Variants in PTPDC1 observed in about 807,000 individuals in gnomAD.
PTPDC1 encodes protein tyrosine phosphatase domain containing 1.
In PTPDC1, 53 loss-of-function variants were observed where a neutral mutation model predicts 75.3. The ratio of observed to expected loss-of-function variants is 0.70; its 90% CI spans 0.56 to 0.88. PTPDC1 has a LOEUF of 0.88. Ranked by LOEUF, PTPDC1 falls within the 40% of genes least tolerant of loss-of-function variation. PTPDC1 has a pLI of 0.00. For synonymous variants in PTPDC1, 349 were observed against 366.2 expected (o/e 0.95, Z 0.54); for missense variants, 925 against 998.6 (o/e 0.93, Z 0.99).
Position 94,088,362 on chromosome 9 carries a change from A to G in PTPDC1, c.616+99A>G, listed in dbSNP as rs747384353. ...GATTAAAAAGATGATGGAAATAAAT[A>G]CCTTCTGCATCATAGTAAGGTTTAG... On this transcript the variant is annotated intron_variant, in intron 4 of 8. Transcript: ENST00000620992. The G allele has an allele frequency of 1.2e-5, 16 of 1,358,572 alleles. No individual in the cohort carries two copies. The South Asian group carries it at 2.2e-4, about 19-fold the overall frequency. The allele number at this position is 1,358,572 out of a possible 1,614,324, so 84.2% of individuals were successfully genotyped here.
Position 94,106,160 on chromosome 9 carries a change from G to A in PTPDC1, c.2311-1668G>A, listed in dbSNP as rs1471931593. The stretch of plus-strand genomic sequence containing the variant: ...TTCTTTTGGCCTTTTAAGGGGATAC[G>A]AATGAAAAGTTAGAGATAACAGTTG... On this transcript the variant is annotated intron_variant, in intron 8 of 8. Coordinates refer to ENST00000620992, the MANE Select transcript of PTPDC1 (RefSeq NM_001253829.2). Among the ~76,000 whole-genome samples, 3 of 152,260 alleles carry A rather than the reference G, an allele frequency of 2.0e-5. No homozygotes were observed. The South Asian group carries it at 6.2e-4, about 32-fold the overall frequency.
chr9:94,041,169 T>G (rs1002219899), intron 1 of PTPDC1, among the ~76,000 whole-genome samples: 1 of 152,228 alleles, frequency 6.6e-6, no homozygotes, highest in African/African-American at 2.4e-5. Flanking sequence ...TCTAGTTCAG[T>G]GTTTTCTTTC....
intron 4 of PTPDC1, among the ~76,000 whole-genome samples, chr9:94,090,573 G>T: frequency 9.2e-6 from 1 of 109,106 alleles, no homozygotes; most frequent in East Asian, 2.6e-4. Flanking sequence ...GCTCTTTTTT[G>T]GTTCCATATG....
intron 2 of PTPDC1, among the ~76,000 whole-genome samples, chr9:94,071,569 G>T (rs1826512674): frequency 6.6e-6 from 1 of 152,154 alleles, no homozygotes; most frequent in Non-Finnish European, 1.5e-5. Context: ...CTATCCCAGT[G>T]CCCTGAAGCT....
chr9:94,071,123 T>A (rs1166797661), intron 2 of PTPDC1, among the ~76,000 whole-genome samples: 4 of 152,242 alleles, frequency 2.6e-5, no homozygotes, highest in Non-Finnish European at 4.4e-5. Context: ...CCATTTTACA[T>A]TCCTACCAGC....
chr9:94,106,116 A>G (rs898018567), intron 8 of PTPDC1, among the ~76,000 whole-genome samples: 10 of 152,234 alleles, frequency 6.6e-5, no homozygotes, highest in African/African-American at 2.4e-4. Context: ...CTCTGAAAGC[A>G]GTAGGAATTC....
chr9:94,105,751 G>A (rs546968152), intron 8 of PTPDC1, among the ~76,000 whole-genome samples: 31 of 150,564 alleles, frequency 2.1e-4, no homozygotes, highest in Non-Finnish European at 3.2e-4. Context: ...GGCAGATCAC[G>A]AGGTCAGGAG....
At chr9:94,099,175 A>G (rs1827743343) in intron 6 of PTPDC1, among the ~76,000 whole-genome samples, 1 of 152,144 alleles carries the variant, frequency 6.6e-6, no homozygotes. Context: ...TTTGGGGTCC[A>G]TTTCTTAGCT....
chr9:94,049,220 G>T (rs530826341), intron 1 of PTPDC1, among the ~76,000 whole-genome samples: 2 of 152,114 alleles, frequency 1.3e-5, no homozygotes, highest in Non-Finnish European at 1.5e-5. Flanking sequence ...GGTTAATATT[G>T]TTATGTGTGA....
intron 1 of PTPDC1, among the ~76,000 whole-genome samples, chr9:94,037,400 C>T (rs1825303663): frequency 6.6e-6 from 1 of 152,068 alleles, no homozygotes; most frequent in South Asian, 2.1e-4. Flanking sequence ...AGAATAAAAA[C>T]CACCCATAAT....
intron 1 of PTPDC1, among the ~76,000 whole-genome samples, chr9:94,058,330 G>A (rs1399474126): frequency 6.6e-6 from 1 of 152,124 alleles, no homozygotes; most frequent in African/African-American, 2.4e-5. Context: ...TCTTCAAAAA[G>A]CAAGTAGGTA....
chr9:94,052,854 T>C (rs538715490), intron 1 of PTPDC1, among the ~76,000 whole-genome samples: 3 of 152,134 alleles, frequency 2.0e-5, no homozygotes, highest in African/African-American at 2.4e-5. Flanking sequence ...TGTTGGCCTT[T>C]TGTTGAGCTT....
chr9:94,074,112 T>C (rs1826599570), intron 2 of PTPDC1, among the ~76,000 whole-genome samples: 1 of 152,224 alleles, frequency 6.6e-6, no homozygotes. Context: ...GTATGACAAG[T>C]GATTTTCAAC....
chr9:94,086,637 A>G (rs1307956321), intron 2 of PTPDC1, among the ~76,000 whole-genome samples: 1 of 152,218 alleles, frequency 6.6e-6, no homozygotes, highest in Non-Finnish European at 1.5e-5. Flanking sequence ...GCCAGAGCCC[A>G]GAGGCCTGAC....
At position 94,095,438 on chromosome 9, in the gene PTPDC1, A is replaced by G; in HGVS notation, c.738A>G (p.Ala246=). ...GAAAAGTAGCTATCCATTGTCATGC[A>G]GGGCTTGGTCGAACAGGTAGGTCCT... ...QEGKVAIHCH[A]GLGRTGVLIA... Residue 246 remains alanine, a synonymous_variant, in exon 5 of 9, where the codon GCA becomes GCG. Coordinates refer to ENST00000620992, the MANE Select transcript of PTPDC1 (RefSeq NM_001253829.2). The G allele has an allele frequency of 6.2e-7, 1 of 1,613,366 alleles. No homozygotes were observed. The highest frequency in any genetic ancestry group is 8.5e-7 in the Non-Finnish European group (1 of 1,179,634).
intron 2 of PTPDC1, among the ~76,000 whole-genome samples, chr9:94,070,441 A>G (rs1310535692): frequency 2.0e-5 from 3 of 152,168 alleles, no homozygotes; most frequent in East Asian, 1.9e-4. Flanking sequence ...GATTATATAT[A>G]CATTTTTAAT....
At chr9:94,036,762 G>A (rs915818577) in intron 1 of PTPDC1, among the ~76,000 whole-genome samples, 3 of 152,194 alleles carry the variant, frequency 2.0e-5, no homozygotes, top group African/African-American at 7.2e-5. Flanking sequence ...GGCTACTATA[G>A]GTGGAGAATG....
upstream of PTPDC1, among the ~76,000 whole-genome samples, chr9:94,082,891 CT>C (rs1251854382): frequency 2.0e-5 from 3 of 152,278 alleles, no homozygotes; most frequent in East Asian, 5.8e-4. Context: ...AGTCCTACCC[CT>C]ACCCCTTATC....
chr9:94,103,100 A>G (rs1343747714), intron 7 of PTPDC1, among the ~76,000 whole-genome samples: 1 of 152,092 alleles, frequency 6.6e-6, no homozygotes, highest in Non-Finnish European at 1.5e-5. Flanking sequence ...TACACAATAC[A>G]CAGACATGTG....
Sources: gnomAD v4.1 joint callset for allele counts (sites outside exome capture counted in the v4.1 genomes callset) on GRCh38, gnomAD v4.1.1 for gene constraint, MANE v1.5 for transcripts, NCBI Gene and HGNC (gene_info 2026-07-23, HGNC 2026-07-21) for gene names.